ALK: variants seen among roughly 807,000 people sequenced by gnomAD.
The protein encoded by ALK is ALK tyrosine kinase receptor.
ALK carries 74 observed loss-of-function variants against 163.1 expected under a neutral mutation model. The ratio of observed to expected loss-of-function variants is 0.45; its 90% CI spans 0.38 to 0.55. The LOEUF is 0.55. Ranked by LOEUF, ALK falls within the 20% of genes least tolerant of loss-of-function variation. The pLI is 0.00. For synonymous variants in ALK, 960 were observed against 843.2 expected (o/e 1.14, Z -2.40); for missense variants, 2,063 against 2,105.3 (o/e 0.98, Z 0.39).
At chr2:29,440,285 A>T (rs1284700169) in intron 4 of ALK, among the ~76,000 whole-genome samples, 1 of 150,726 alleles carries the variant, frequency 6.6e-6, no homozygotes, top group African/African-American at 2.4e-5. Context: ...GATGATTGAT[A>T]TGCCCATGTT....
intron 3 of ALK, among the ~76,000 whole-genome samples, chr2:29,670,666 C>T (rs899072452): frequency 6.6e-6 from 1 of 152,102 alleles, no homozygotes; most frequent in East Asian, 1.9e-4. Flanking sequence ...AGATAATTTT[C>T]TATATCTTAC....
chr2:29,768,713 C>CTGTGTGTGTGTGTG, intron 1 of ALK, among the ~76,000 whole-genome samples: 1 of 142,952 alleles, frequency 7.0e-6, no homozygotes, highest in African/African-American at 2.6e-5. Context: ...TTATATATGT[C>CTGTGTGTGTGTGTG]TGTGTGTGTG....
chr2:29,775,152 T>G (rs993262414), intron 1 of ALK, among the ~76,000 whole-genome samples: 2 of 152,126 alleles, frequency 1.3e-5, no homozygotes, highest in Non-Finnish European at 2.9e-5. Context: ...TTTGACTGAC[T>G]AAAAGATAAA....
At chr2:29,415,640 G>C (rs949295578) in intron 4 of ALK, among the ~76,000 whole-genome samples, 5 of 152,214 alleles carry the variant, frequency 3.3e-5, no homozygotes, top group Non-Finnish European at 5.9e-5. Flanking sequence ...ACTGGGCTAA[G>C]GGATACCCAG....
At chr2:29,218,722 C>CT (rs1159701673) in intron 23 of ALK, among the ~76,000 whole-genome samples, 1 of 152,264 alleles carries the variant, frequency 6.6e-6, no homozygotes. Context: ...CTCCTTAAGC[C>CT]TCAGGAAGGT....
At chr2:29,202,131 C>A (rs1475670450) in intron 26 of ALK, among the ~76,000 whole-genome samples, 1 of 152,280 alleles carries the variant, frequency 6.6e-6, no homozygotes, top group Admixed American at 6.5e-5. Flanking sequence ...GACTTGATTT[C>A]ATTCCTCAGC....
At chr2:29,758,867 T>C (rs1334361080) in intron 1 of ALK, among the ~76,000 whole-genome samples, 1 of 152,152 alleles carries the variant, frequency 6.6e-6, no homozygotes, top group African/African-American at 2.4e-5. Flanking sequence ...TCTCACCATG[T>C]CTTACTGGGG....
chr2:29,867,328 C>T (rs562511714), intron 1 of ALK, among the ~76,000 whole-genome samples: 4 of 152,152 alleles, frequency 2.6e-5, no homozygotes, highest in South Asian at 2.1e-4. Context: ...TTCTCCAGGG[C>T]GAAGGTAGCG....
chr2:29,361,690 G>A (rs1484551700), intron 5 of ALK, among the ~76,000 whole-genome samples: 1 of 152,080 alleles, frequency 6.6e-6, no homozygotes, highest in Non-Finnish European at 1.5e-5. Flanking sequence ...CACCATGTAG[G>A]GTCTTTTTCA....
intron 1 of ALK, among the ~76,000 whole-genome samples, chr2:29,865,699 C>T (rs896652297): frequency 6.6e-6 from 1 of 152,182 alleles, no homozygotes; most frequent in African/African-American, 2.4e-5. Flanking sequence ...GCTAGGCTGA[C>T]AAAGTCTGTT....
At chr2:29,599,662 G>A (rs898188694) in intron 3 of ALK, among the ~76,000 whole-genome samples, 1 of 152,190 alleles carries the variant, frequency 6.6e-6, no homozygotes, top group Non-Finnish European at 1.5e-5. Context: ...TTGAGCATAA[G>A]CTGACACTTC....
At chr2:29,825,106 G>A (rs1347609971) in intron 1 of ALK, among the ~76,000 whole-genome samples, 1 of 152,162 alleles carries the variant, frequency 6.6e-6, no homozygotes, top group Non-Finnish European at 1.5e-5. Flanking sequence ...TTTGCCTGCT[G>A]CCATCCATGT....
chr2:29,234,851 T>C (rs138364112), intron 13 of ALK, among the ~76,000 whole-genome samples: 128 of 152,372 alleles, frequency 8.4e-4, no homozygotes, highest in African/African-American at 2.9e-3. Flanking sequence ...CAGCTGGGAC[T>C]ACAGGTGCAC....
rs1273950809 is a variant in ALK, at chr2:29,750,670, A to AGGAT, written c.668-32974_668-32973insATCC. 8.2e-5 allele frequency among the ~76,000 whole-genome samples: 11 copies of AGGAT among 133,664 alleles called. No homozygotes were observed. The South Asian group carries it at 2.6e-3, about 32-fold the overall frequency. 87.7% of individuals were successfully genotyped at this position (133,664 alleles called of 152,430 possible). ...AAGGAAGGAAGGAAGGAAGGAAGGA[A>AGGAT]GGAAGGAAGGAAGGAAGGAAGGAAG... On this transcript the variant is annotated intron_variant, in intron 1 of 28. Coordinates refer to ENST00000389048, the MANE Select transcript of ALK (RefSeq NM_004304.5).
Position 29,322,092 on chromosome 2 carries a change from C to T in ALK, c.1415-1210G>A, listed in dbSNP as rs547574191. 1.2e-4 allele frequency among the ~76,000 whole-genome samples: 18 copies of T among 152,354 alleles called. No homozygotes were observed. The East Asian group carries it at 3.3e-3, about 28-fold the overall frequency. On this transcript the variant is annotated intron_variant, in intron 6 of 28. Transcript: ENST00000389048. Reference sequence around the variant, plus strand: ...TCTGATGGCCCCCAACACCTCCCAGCCTAGCTGCAGAGAAGCCTGTGTCTC... The same window carrying T: ...TCTGATGGCCCCCAACACCTCCCAGTCTAGCTGCAGAGAAGCCTGTGTCTC...
At chr2:29,321,817 G>A (rs1345102323) in intron 6 of ALK, among the ~76,000 whole-genome samples, 1 of 152,194 alleles carries the variant, frequency 6.6e-6, no homozygotes, top group Non-Finnish European at 1.5e-5. Flanking sequence ...CCAGTCATTG[G>A]GGCCTCTTTA....
chr2:29,801,073 C>G lies in ALK; in HGVS notation c.668-83376G>C, dbSNP rs149507996. 3.3e-5 allele frequency among the ~76,000 whole-genome samples: 5 copies of G among 152,278 alleles called. No individual in the cohort carries two copies. In the East Asian group the frequency reaches 9.7e-4, roughly 29 times the overall value. On this transcript the variant is annotated intron_variant, in intron 1 of 28. Transcript: ENST00000389048. ...GCTCCCCCAACCTCCCAAGAACCTA[C>G]AGATGGCAAGAGAGACACAACCTTC...
chr2:29,300,136 G>A (rs368930267), intron 8 of ALK, among the ~76,000 whole-genome samples: 1 of 152,216 alleles, frequency 6.6e-6, no homozygotes, highest in Non-Finnish European at 1.5e-5. Flanking sequence ...GGGAGCCCAT[G>A]CAGGGTCACT....
At chr2:29,870,371 C>T (rs867632391) in intron 1 of ALK, among the ~76,000 whole-genome samples, 25 of 152,100 alleles carry the variant, frequency 1.6e-4, no homozygotes, top group East Asian at 9.7e-4. Flanking sequence ...AAAGTGTGAA[C>T]GGGAGAGTGT....
Sources: gnomAD v4.1 joint callset for allele counts (sites outside exome capture counted in the v4.1 genomes callset) on GRCh38, gnomAD v4.1.1 for gene constraint, MANE v1.5 for transcripts, NCBI Gene and HGNC (gene_info 2026-07-23, HGNC 2026-07-21) for gene names.